The following BACH2 variants were observed in gnomAD, a reference collection of about 807,000 sequenced individuals.
BACH2 encodes BACH transcriptional regulator 2.
A neutral mutation model predicts 61.8 loss-of-function variants in BACH2; 5 were observed. The observed-to-expected ratio is 0.08, with a 90% CI of 0.04 to 0.17. The LOEUF (loss-of-function observed/expected upper bound fraction) is 0.17, where lower values mean the gene tolerates loss of function less well. Ranked by LOEUF, BACH2 falls within the 10% of genes least tolerant of loss-of-function variation. The probability of loss-of-function intolerance (pLI) is 1.00; values close to 1 mark genes in which losing one functional copy is unlikely to be tolerated. For missense variants in BACH2, 824 were observed against 1,091.1 expected (o/e 0.76, Z 3.45); for synonymous variants, 446 against 440.1 (o/e 1.01, Z -0.17).
At chr6:89,945,601 G>C (rs1773674477) in intron 7 of BACH2, among the ~76,000 whole-genome samples, 1 of 152,190 alleles carries the variant, frequency 6.6e-6, no homozygotes, top group South Asian at 2.1e-4. Context: ...TTTTAGGGTG[G>C]TGAAAATGTT....
chr6:89,946,847 T>A (rs3857492), intron 7 of BACH2, among the ~76,000 whole-genome samples: 151,444 of 152,332 alleles, frequency 0.99, 75,281 homozygotes, highest in East Asian at 1. Flanking sequence ...AATGTCATTT[T>A]AAAAAGCTGA....
At chr6:90,087,440 G>T (rs1004991725) in intron 5 of BACH2, among the ~76,000 whole-genome samples, 1 of 152,106 alleles carries the variant, frequency 6.6e-6, no homozygotes, top group Non-Finnish European at 1.5e-5. Flanking sequence ...TCAAAGCTCA[G>T]AAATATACAA....
intron 8 of BACH2, 25 bp from the exon 9 acceptor site, chr6:89,932,915 A>C: frequency 6.5e-7 from 1 of 1,542,040 alleles, no homozygotes. Context: ...AAAAAAGAGA[A>C]GGGTTGATCA....
chr6:90,223,947 T>G (rs1484982103), intron 3 of BACH2, among the ~76,000 whole-genome samples: 1 of 152,222 alleles, frequency 6.6e-6, no homozygotes, highest in Non-Finnish European at 1.5e-5. Context: ...CTACTCTTAC[T>G]ACTTACTATC....
chr6:90,009,876 G>T lies in BACH2; in HGVS notation c.-12-1020C>A, dbSNP rs566141661. Among the ~76,000 whole-genome samples, 31 of 152,250 alleles carry T rather than the reference G, an allele frequency of 2.0e-4. No homozygotes were observed. The East Asian group carries it at 6.0e-3, about 29-fold the overall frequency. ...GACGGGATTTCACCATCTTGGCCAG[G>T]CTGGTTTTGAACTCCTGACCTCAGG... On this transcript the variant is annotated intron_variant, in intron 5 of 8. Coordinates refer to ENST00000257749, the MANE Select transcript of BACH2 (RefSeq NM_021813.4).
At chr6:90,016,633 T>C (rs1236855361) in intron 5 of BACH2, among the ~76,000 whole-genome samples, 1 of 152,210 alleles carries the variant, frequency 6.6e-6, no homozygotes, top group East Asian at 1.9e-4. Flanking sequence ...CTGTACTATA[T>C]TGTCATTACT....
chr6:90,053,216 T>C (rs896025480), intron 5 of BACH2, among the ~76,000 whole-genome samples: 10 of 152,220 alleles, frequency 6.6e-5, no homozygotes, highest in Admixed American at 3.9e-4. Context: ...ACCAATTTCT[T>C]TGCTTACAAT....
At chr6:90,210,834 A>G (rs922953681) in intron 3 of BACH2, among the ~76,000 whole-genome samples, 18 of 152,120 alleles carry the variant, frequency 1.2e-4, no homozygotes, top group Non-Finnish European at 1.2e-4. Flanking sequence ...CTAAAAGGTT[A>G]ATGAAACATA....
chr6:90,139,785 C>T (rs1043261013), intron 4 of BACH2, among the ~76,000 whole-genome samples: 2 of 152,096 alleles, frequency 1.3e-5, no homozygotes, highest in African/African-American at 4.8e-5. Context: ...TAAGAAATCC[C>T]TTTTAGCTAA....
At chr6:90,211,590 G>C (rs1055630291) in intron 3 of BACH2, among the ~76,000 whole-genome samples, 2 of 25,804 alleles carry the variant, frequency 7.8e-5, no homozygotes, top group Non-Finnish European at 1.7e-4. Flanking sequence ...GTCAAGGGCT[G>C]TGTGTGTGTG....
At chr6:90,078,769 A>G (rs993159413) in intron 5 of BACH2, among the ~76,000 whole-genome samples, 1 of 152,072 alleles carries the variant, frequency 6.6e-6, no homozygotes, top group Non-Finnish European at 1.5e-5. Flanking sequence ...GGCCTAGGAG[A>G]GGTTAACAGA....
At chr6:89,979,506 G>A (rs1048764779) in intron 6 of BACH2, among the ~76,000 whole-genome samples, 1 of 152,014 alleles carries the variant, frequency 6.6e-6, no homozygotes, top group Non-Finnish European at 1.5e-5. Context: ...TACAGCAGAG[G>A]GACACTAAAC....
chr6:89,949,718 C>T (rs867136394), intron 7 of BACH2, among the ~76,000 whole-genome samples: 11 of 152,098 alleles, frequency 7.2e-5, no homozygotes, highest in South Asian at 2.1e-4. Flanking sequence ...ACCCCAGGAC[C>T]GGGATAAACG....
chr6:90,041,828 T>C (rs1779550366), intron 5 of BACH2, among the ~76,000 whole-genome samples: 1 of 152,222 alleles, frequency 6.6e-6, no homozygotes, highest in Non-Finnish European at 1.5e-5. Flanking sequence ...CTTTTGCATT[T>C]ATTAATTCTT....
chr6:90,102,978 C>A (rs1332649227), intron 4 of BACH2, among the ~76,000 whole-genome samples: 1 of 129,020 alleles, frequency 7.8e-6, no homozygotes, highest in Non-Finnish European at 1.6e-5. Flanking sequence ...AGTTACCTTG[C>A]ACAAAAACTG....
intron 6 of BACH2, among the ~76,000 whole-genome samples, chr6:89,984,244 TCAAA>T (rs1468913857): frequency 6.6e-6 from 1 of 151,622 alleles, no homozygotes; most frequent in Non-Finnish European, 1.5e-5. Flanking sequence ...TCCACAAAAG[TCAAA>T]CAGACAGACC....
intron 3 of BACH2, among the ~76,000 whole-genome samples, chr6:90,207,635 G>A (rs1392286354): frequency 6.6e-6 from 1 of 151,922 alleles, no homozygotes; most frequent in African/African-American, 2.4e-5. Flanking sequence ...ACATGGAATC[G>A]GAGGTTTAAC....
chr6:90,018,841 A>G (rs1031212579), intron 5 of BACH2, among the ~76,000 whole-genome samples: 3 of 152,236 alleles, frequency 2.0e-5, no homozygotes, highest in African/African-American at 7.2e-5. Context: ...TTCAGTTATA[A>G]TGACCCTAAG....
At chr6:90,018,002 G>T (rs1001161737) in intron 5 of BACH2, among the ~76,000 whole-genome samples, 5 of 152,152 alleles carry the variant, frequency 3.3e-5, no homozygotes, top group African/African-American at 1.2e-4. Context: ...TTTGAGATTT[G>T]TTAGATAGGA....
Sources: allele counts gnomAD v4.1 joint callset (sites outside exome capture counted in the v4.1 genomes callset), GRCh38; gene constraint gnomAD v4.1.1; transcripts MANE v1.5; gene names NCBI Gene and HGNC (gene_info 2026-07-23, HGNC 2026-07-21).